The following WDR43 variants were observed in gnomAD, a reference collection of about 807,000 sequenced individuals.
WDR43 encodes the protein WD repeat-containing protein 43.
A neutral mutation model predicts 91.4 loss-of-function variants in WDR43; 13 were observed. The ratio of observed to expected loss-of-function variants is 0.14; its 90% CI spans 0.09 to 0.23. The LOEUF (loss-of-function observed/expected upper bound fraction) is 0.23. Ranked by LOEUF, WDR43 falls within the 10% of genes least tolerant of loss-of-function variation. The pLI is 1.00. For missense variants in WDR43, 780 were observed against 809.4 expected (o/e 0.96, Z 0.44); for synonymous variants, 331 against 287.9 (o/e 1.15, Z -1.51).
intron 2 of WDR43, chr2:28,904,882 ATTTAC>A (rs1670649142): frequency 6.6e-6 from 1 of 152,218 alleles, no homozygotes. Context: ...TTGTATACGT[ATTTAC>A]TTTATTCCTG....
chr2:28,912,563 A>G, intron 3 of WDR43, 27 bp from the exon 4 acceptor site: 1 of 1,603,840 alleles, frequency 6.2e-7, no homozygotes, highest in East Asian at 2.2e-5. Context: ...ATGTATTGAG[A>G]TGCTTTTTTT....
At chr2:28,946,425 G>A in intron 16 of WDR43, 25 bp from the exon 17 acceptor site, 1 of 1,599,606 alleles carries the variant, frequency 6.3e-7, no homozygotes, top group Non-Finnish European at 8.5e-7. Context: ...CTAAAATTAA[G>A]GCTGGGTTCT....
intron 3 of WDR43, among the ~76,000 whole-genome samples, chr2:28,906,959 A>G (rs1391905984): frequency 6.6e-6 from 1 of 152,174 alleles, no homozygotes; most frequent in African/African-American, 2.4e-5. Context: ...GGAGATGGCA[A>G]GAACAAATGG....
intron 13 of WDR43, 138 bp downstream of exon 13, chr2:28,937,091 A>G: frequency 2.5e-6 from 2 of 806,344 alleles, no homozygotes; most frequent in South Asian, 1.9e-5. Context: ...TTTTAAGTTG[A>G]ATGATTCTTA....
At chr2:28,920,225 T>TTTCTTTC (rs371426045) in intron 6 of WDR43, among the ~76,000 whole-genome samples, 4 of 41,660 alleles carry the variant, frequency 9.6e-5, no homozygotes, top group Non-Finnish European at 2.2e-4. Flanking sequence ...TTTTTCTTTC[T>TTTCTTTC]TTTTTTTTTT....
chr2:28,902,672 G>A (rs1405631918), intron 2 of WDR43, among the ~76,000 whole-genome samples: 2 of 152,218 alleles, frequency 1.3e-5, no homozygotes, highest in Non-Finnish European at 2.9e-5. Context: ...TACCACTGTT[G>A]GGGTGATGCA....
At chr2:28,927,849 A>G (rs1398509118) in intron 10 of WDR43, 149 bp downstream of exon 10, 6 of 1,072,244 alleles carry the variant, frequency 5.6e-6, no homozygotes, top group Non-Finnish European at 7.8e-6. Flanking sequence ...TCACCATCAT[A>G]GATTTCATAA....
intron 10 of WDR43, among the ~76,000 whole-genome samples, chr2:28,928,650 A>G (rs75662962): frequency 0.021 from 3,246 of 152,232 alleles, 123 homozygotes; most frequent in African/African-American, 0.072. Context: ...AATCAGTTCT[A>G]TACAATTGAG....
At chr2:28,925,232 A>G in intron 8 of WDR43, 79 bp downstream of exon 8, 1 of 1,270,264 alleles carries the variant, frequency 7.9e-7, no homozygotes, top group Non-Finnish European at 1.0e-6. Flanking sequence ...AAATAACAAC[A>G]TTGGTCTTTA....
chr2:28,895,075 C>G (rs1287217198), intron 1 of WDR43, 152 bp downstream of exon 1: 2 of 707,692 alleles, frequency 2.8e-6, no homozygotes, highest in African/African-American at 1.9e-5. Context: ...AGGGCCCAAG[C>G]CGCCAGCCCC....
chr2:28,925,604 T>A (rs1671114116), intron 8 of WDR43, among the ~76,000 whole-genome samples: 1 of 152,220 alleles, frequency 6.6e-6, no homozygotes, highest in Admixed American at 6.5e-5. Flanking sequence ...TAAGTGGAAA[T>A]GTAATGGGCA....
At position 28,937,007 on chromosome 2, in the gene WDR43, A is replaced by G. The variant is rs1231490605; in HGVS notation, c.1556+54A>G. 1.4e-5 allele frequency: 21 copies of G among 1,513,858 alleles called. No homozygotes were observed. The East Asian group carries it at 1.7e-4, about 12-fold the overall frequency. The allele number at this position is 1,513,858 out of a possible 1,614,324, so 93.8% of individuals were successfully genotyped here. ...GTGTTGTCTGACAGCATGAAATTAA[A>G]TATTAGGTGGTTCTGATTTCTAACT... On this transcript the variant is annotated intron_variant, in intron 13 of 17. Transcript: ENST00000407426.
intron 8 of WDR43, among the ~76,000 whole-genome samples, chr2:28,926,241 T>G (rs1337033838): frequency 6.6e-6 from 1 of 152,210 alleles, no homozygotes; most frequent in Non-Finnish European, 1.5e-5. Context: ...AAGTAAACCT[T>G]GGTACCCAAT....
chr2:28,922,646 C>T (rs1671054575), intron 6 of WDR43, among the ~76,000 whole-genome samples: 5 of 152,170 alleles, frequency 3.3e-5, no homozygotes, highest in Admixed American at 3.3e-4. Context: ...CCAGCCTTTG[C>T]ACTTGGTAGT....
At chr2:28,902,741 G>T (rs1021577023) in intron 2 of WDR43, among the ~76,000 whole-genome samples, 1 of 152,212 alleles carries the variant, frequency 6.6e-6, no homozygotes, top group African/African-American at 2.4e-5. Flanking sequence ...CCCTCTAGCA[G>T]TTGCTATTGG....
At chr2:28,937,052 C>T (rs1671348835) in intron 13 of WDR43, 99 bp downstream of exon 13, 1 of 1,138,832 alleles carries the variant, frequency 8.8e-7, no homozygotes, top group African/African-American at 1.6e-5. Context: ...CTTTCAGTGT[C>T]AAATATTAAC....
chr2:28,936,493 AT>A (rs915805930), intron 12 of WDR43, among the ~76,000 whole-genome samples: 22 of 152,106 alleles, frequency 1.4e-4, no homozygotes, highest in African/African-American at 3.4e-4. Flanking sequence ...CCTAACCTTG[AT>A]TTTTTTCTTT....
Position 28,947,061 on chromosome 2 carries a change from A to G in WDR43, c.*282A>G. On this transcript the variant is annotated 3_prime_UTR_variant, in exon 18 of 18. Coordinates refer to ENST00000407426, the MANE Select transcript of WDR43 (RefSeq NM_015131.3). ...GTATATTTTTATAATATAATATCCT[A>G]GTATGATTGGTTATATCAAGAATTG... is the stretch of plus-strand genomic sequence containing the variant. 2 of 225,680 alleles carry G rather than the reference A, an allele frequency of 8.9e-6. No individual in the cohort carries two copies. The highest frequency in any genetic ancestry group is 1.7e-5 in the Non-Finnish European group (2 of 116,140). 14.0% of individuals were successfully genotyped at this position (225,680 alleles called of 1,614,324 possible).
chr2:28,947,008 A>G lies in WDR43; in HGVS notation c.*229A>G, dbSNP rs548343070. ...ACAGTATATAGACACATTTTCTGCA[A>G]TGTACTGACATCAGTGTCCAATATA... On this transcript the variant is annotated 3_prime_UTR_variant, in exon 18 of 18. Transcript: ENST00000407426. The G allele has an allele frequency of 6.6e-5, 27 of 407,810 alleles. No homozygotes were observed. The highest frequency in any genetic ancestry group is 4.1e-4 in the African/African-American group (20 of 49,242). The allele number at this position is 407,810 out of a possible 1,614,324, so 25.3% of individuals were successfully genotyped here.
Sources: gnomAD v4.1 joint callset for allele counts (sites outside exome capture counted in the v4.1 genomes callset) on GRCh38, gnomAD v4.1.1 for gene constraint, MANE v1.5 for transcripts, NCBI Gene and HGNC (gene_info 2026-07-23, HGNC 2026-07-21) for gene names.